Variants in EVA1A observed in about 807,000 individuals in gnomAD.
The protein encoded by EVA1A is protein eva-1 homolog A.
A neutral mutation model predicts 9.8 loss-of-function variants in EVA1A; 7 were observed. That is an observed-to-expected ratio of 0.71 (90% CI 0.41 to 1.34). EVA1A has a LOEUF of 1.34. EVA1A is among the 40% of genes most tolerant of loss of function. EVA1A has a pLI of 0.01. For synonymous variants in EVA1A, 90 were observed against 85.6 expected (o/e 1.05, Z -0.28); for missense variants, 206 against 205.9 (o/e 1.00, Z 0.00).
chr2:75,554,491 A>G (rs1370882948), intron 1 of EVA1A, among the ~76,000 whole-genome samples: 1 of 152,150 alleles, frequency 6.6e-6, no homozygotes, highest in Non-Finnish European at 1.5e-5. Flanking sequence ...TCCCAACCAC[A>G]GCGGCCCACT....
intron 1 of EVA1A, among the ~76,000 whole-genome samples, chr2:75,560,218 G>A (rs921824546): frequency 1.3e-5 from 2 of 152,150 alleles, no homozygotes; most frequent in African/African-American, 4.8e-5. Flanking sequence ...TGCGCGCGGC[G>A]AGTTGGCTGC....
At chr2:75,561,643 G>A (rs189112294), upstream of EVA1A, among the ~76,000 whole-genome samples, 1 of 152,156 alleles carries the variant, frequency 6.6e-6, no homozygotes, top group Non-Finnish European at 1.5e-5. Context: ...CAGGTCCCGG[G>A]TTGCGGTGGT....
Position 75,511,918 on chromosome 2 carries a change from G to A in EVA1A, c.85+6138C>T, listed in dbSNP as rs75754789. On this transcript the variant is annotated intron_variant, in intron 3 of 3. Coordinates refer to ENST00000393913, the MANE Select transcript of EVA1A (RefSeq NM_001135032.2). ...TGGATGATGGTAAGGTGATAAGGAG[G>A]AAAGAATGGGAAAAATAGGAAGAAG... Among the ~76,000 whole-genome samples the A allele has an allele frequency of 6.4e-3, 978 of 152,164 alleles. 7 individuals are homozygous for A. Among genetic ancestry groups the A allele is most frequent in the African/African-American group, 0.022 (925 of 41,516 alleles).
chr2:75,495,121 T>G (rs574972000), intron 3 of EVA1A, among the ~76,000 whole-genome samples: 1 of 152,316 alleles, frequency 6.6e-6, no homozygotes, highest in South Asian at 2.1e-4. Context: ...CCACAGTCTA[T>G]TATATCATTC....
intron 1 of EVA1A, among the ~76,000 whole-genome samples, chr2:75,559,700 G>GC (rs1553422520): frequency 2.9e-5 from 4 of 137,182 alleles, no homozygotes; most frequent in Non-Finnish European, 1.6e-5. Flanking sequence ...AAGGAGGTGG[G>GC]GGGGGGGCGG....
intron 1 of EVA1A, among the ~76,000 whole-genome samples, chr2:75,559,717 TG>T (rs1457049048): frequency 7.6e-5 from 4 of 52,784 alleles, no homozygotes; most frequent in East Asian, 6.6e-4. Flanking sequence ...GCGGGGGAGT[TG>T]GGGGGACGGT....
intron 1 of EVA1A, among the ~76,000 whole-genome samples, chr2:75,556,111 G>A (rs1236174124): frequency 2.6e-5 from 4 of 152,184 alleles, no homozygotes. Flanking sequence ...TCTGGCACCT[G>A]CACAGAGCTA....
intron 3 of EVA1A, among the ~76,000 whole-genome samples, chr2:75,500,076 C>G (rs371523353): frequency 2.0e-5 from 3 of 152,174 alleles, no homozygotes; most frequent in Non-Finnish European, 2.9e-5. Context: ...ACCCTTCCCC[C>G]ACCCCACATC....
At chr2:75,543,822 T>C (rs1218091676) in intron 1 of EVA1A, among the ~76,000 whole-genome samples, 1 of 152,226 alleles carries the variant, frequency 6.6e-6, no homozygotes, top group Admixed American at 6.5e-5. Context: ...GGGCAGATGT[T>C]TACCTGATCA....
At chr2:75,498,974 A>C (rs1674314363) in intron 3 of EVA1A, among the ~76,000 whole-genome samples, 1 of 152,194 alleles carries the variant, frequency 6.6e-6, no homozygotes, top group Admixed American at 6.5e-5. Flanking sequence ...ACCAATCTGC[A>C]TTTATTTGTG....
intron 3 of EVA1A, among the ~76,000 whole-genome samples, chr2:75,494,601 T>C (rs1267209386): frequency 6.6e-6 from 1 of 152,172 alleles, no homozygotes; most frequent in Non-Finnish European, 1.5e-5. Context: ...GCCATGTGAA[T>C]GAGCTTGGTT....
intron 3 of EVA1A, among the ~76,000 whole-genome samples, chr2:75,507,234 GA>G: frequency 1.3e-5 from 2 of 152,288 alleles, no homozygotes; most frequent in South Asian, 4.2e-4. Flanking sequence ...TTGCCAAGAT[GA>G]AAGTCAACAG....
chr2:75,508,388 C>T (rs1674693263), intron 3 of EVA1A, among the ~76,000 whole-genome samples: 1 of 152,122 alleles, frequency 6.6e-6, no homozygotes, highest in African/African-American at 2.4e-5. Context: ...GAATACATGC[C>T]TGGGGGTATG....
chr2:75,550,425 C>G (rs2103966530), intron 1 of EVA1A, among the ~76,000 whole-genome samples: 1 of 152,304 alleles, frequency 6.6e-6, no homozygotes, highest in Non-Finnish European at 1.5e-5. Context: ...CTTCCTTCCT[C>G]CTGAAACCTT....
At chr2:75,543,975 A>T (rs113121814) in intron 1 of EVA1A, among the ~76,000 whole-genome samples, 2 of 152,246 alleles carry the variant, frequency 1.3e-5, no homozygotes, top group Admixed American at 1.3e-4. Context: ...ACATTTAAAA[A>T]TATTTTTAAA....
chr2:75,528,779 G>A (rs1675544509), intron 1 of EVA1A, among the ~76,000 whole-genome samples: 1 of 152,112 alleles, frequency 6.6e-6, no homozygotes, highest in African/African-American at 2.4e-5. Context: ...GGTGACCTTA[G>A]GGCAAGCTTG....
chr2:75,551,761 C>G (rs1179397037), intron 1 of EVA1A, among the ~76,000 whole-genome samples: 1 of 152,188 alleles, frequency 6.6e-6, no homozygotes, highest in Non-Finnish European at 1.5e-5. Flanking sequence ...AGGATTAATA[C>G]ACGTAAAGTG....
chr2:75,542,292 T>C (rs1235504529), intron 1 of EVA1A: 4 of 152,296 alleles, frequency 2.6e-5, no homozygotes, highest in African/African-American at 7.2e-5. Flanking sequence ...GACTAATACA[T>C]GGTGCCAGGC....
intron 1 of EVA1A, among the ~76,000 whole-genome samples, chr2:75,548,718 C>T (rs2103961695): frequency 6.6e-6 from 1 of 152,174 alleles, no homozygotes; most frequent in East Asian, 1.9e-4. Flanking sequence ...GATCTTTCTC[C>T]TTTACTGGAC....
Sources: allele counts gnomAD v4.1 joint callset (sites outside exome capture counted in the v4.1 genomes callset), GRCh38; gene constraint gnomAD v4.1.1; transcripts MANE v1.5; gene names NCBI Gene and HGNC (gene_info 2026-07-23, HGNC 2026-07-21).